The following NOTCH2NLC variants were observed in gnomAD, a reference collection of about 807,000 sequenced individuals.
NOTCH2NLC encodes notch homolog 2 N-terminal-like protein C.
A neutral mutation model predicts 17.7 loss-of-function variants in NOTCH2NLC; 4 were observed. The observed-to-expected ratio is 0.23, with a 90% CI of 0.11 to 0.52. NOTCH2NLC has a LOEUF of 0.52. Among genes scored for constraint, NOTCH2NLC ranks in the 20% least tolerant of loss-of-function variants. The pLI, the probability that NOTCH2NLC is intolerant of heterozygous loss-of-function variation, is 0.96. For synonymous variants in NOTCH2NLC, 18 were observed against 86.0 expected (o/e 0.21, Z 4.38); for missense variants, 57 against 207.2 (o/e 0.28, Z 4.45).
Position 149,464,722 on chromosome 1 carries a change from A to C in NOTCH2NLC, c.*569A>C, listed in dbSNP as rs1291217542. 4 of 150,584 alleles carry C rather than the reference A, an allele frequency of 2.7e-5. No individual in the cohort carries two copies. The highest frequency in any genetic ancestry group is 4.4e-5 in the Non-Finnish European group (3 of 67,544). 9.3% of individuals were successfully genotyped at this position (150,584 alleles called of 1,614,324 possible). ...AGCTGAAGCAGATGAATTACTAAGC[A>C]ACAAAGATCCTGTTTTTATACAAAT... On this transcript the variant is annotated 3_prime_UTR_variant, in exon 5 of 5. Transcript: ENST00000650865.
At chr1:149,431,560 AAT>A (rs2084448614) in intron 2 of NOTCH2NLC, among the ~76,000 whole-genome samples, 1 of 126,618 alleles carries the variant, frequency 7.9e-6, no homozygotes, top group African/African-American at 2.7e-5. Context: ...CTCAAAAAGA[AAT>A]AAAAAAAAAT....
At chr1:149,453,506 T>TG (rs2084600301) in intron 2 of NOTCH2NLC, among the ~76,000 whole-genome samples, 1 of 145,080 alleles carries the variant, frequency 6.9e-6, no homozygotes, top group Non-Finnish European at 1.6e-5. Context: ...CCAGCCCACT[T>TG]GCAAAACTTT....
In NOTCH2NLC at chr1:149,471,740, C is replaced by T. The variant is rs1259975556; in HGVS notation, c.*7587C>T. Reference sequence around the variant, plus strand: ...AACTTTTGGAATATGGTAAAAGACACTGAAATATATGCTTAAAAATGGTGA... The same window carrying T: ...AACTTTTGGAATATGGTAAAAGACATTGAAATATATGCTTAAAAATGGTGA... On this transcript the variant is annotated 3_prime_UTR_variant, in exon 5 of 5. Coordinates refer to ENST00000650865, the MANE Select transcript of NOTCH2NLC (RefSeq NM_001364013.2). 1.4e-5 allele frequency among the ~76,000 whole-genome samples: 2 copies of T among 146,582 alleles called. No homozygotes were observed. Among genetic ancestry groups the T allele is most frequent in the Non-Finnish European group, 3.0e-5 (2 of 66,692 alleles).
intron 1 of NOTCH2NLC, among the ~76,000 whole-genome samples, chr1:149,419,082 T>C (rs1369725049): frequency 6.7e-6 from 1 of 148,274 alleles, no homozygotes; most frequent in Non-Finnish European, 1.5e-5. Context: ...TTCTTTCTTT[T>C]CTCTCTCTCT....
chr1:149,443,659 A>G (rs2084533551), intron 2 of NOTCH2NLC, among the ~76,000 whole-genome samples: 2 of 150,070 alleles, frequency 1.3e-5, no homozygotes, highest in Non-Finnish European at 3.0e-5. Flanking sequence ...AACAGCGTGT[A>G]CAGAGGTCTG....
intron 1 of NOTCH2NLC, among the ~76,000 whole-genome samples, chr1:149,423,752 C>G (rs1216831580): frequency 5.4e-5 from 8 of 148,126 alleles, no homozygotes; most frequent in African/African-American, 2.0e-4. Flanking sequence ...CATTAAAATA[C>G]CTTCCGATTG....
chr1:149,462,899 A>C (rs2084658142), intron 3 of NOTCH2NLC, among the ~76,000 whole-genome samples: 1 of 141,708 alleles, frequency 7.1e-6, no homozygotes, highest in South Asian at 2.2e-4. Flanking sequence ...GCAGTGGTAC[A>C]ATCTCGGCTC....
intron 1 of NOTCH2NLC, among the ~76,000 whole-genome samples, chr1:149,419,725 A>T: frequency 6.7e-6 from 1 of 150,110 alleles, no homozygotes; most frequent in Non-Finnish European, 1.5e-5. Flanking sequence ...TTAAGTACCC[A>T]TTATTATTTT....
intron 1 of NOTCH2NLC, among the ~76,000 whole-genome samples, chr1:149,407,150 A>G (rs1451089440): frequency 6.6e-6 from 1 of 150,820 alleles, no homozygotes; most frequent in Non-Finnish European, 1.5e-5. Context: ...AATAAGAAGG[A>G]ACTGATTTGG....
chr1:149,445,993 G>A (rs1284502879), intron 2 of NOTCH2NLC, among the ~76,000 whole-genome samples: 2 of 121,242 alleles, frequency 1.6e-5, no homozygotes, highest in Non-Finnish European at 3.5e-5. Context: ...CAGAACATTC[G>A]GTGGAGAAAA....
chr1:149,461,954 G>A (rs2084652448), intron 3 of NOTCH2NLC, among the ~76,000 whole-genome samples: 2 of 138,300 alleles, frequency 1.4e-5, no homozygotes, highest in Admixed American at 1.5e-4. Flanking sequence ...GACACAGGAA[G>A]GGGAACATCA....
At chr1:149,399,197 ATTG>A (rs2084229500) in intron 1 of NOTCH2NLC, among the ~76,000 whole-genome samples, 1 of 151,086 alleles carries the variant, frequency 6.6e-6, no homozygotes, top group African/African-American at 2.4e-5. Flanking sequence ...ATGTTTTAAA[ATTG>A]TTGTTTGCTT....
intron 1 of NOTCH2NLC, among the ~76,000 whole-genome samples, chr1:149,412,832 C>G (rs1284187063): frequency 7.1e-6 from 1 of 141,104 alleles, no homozygotes; most frequent in Non-Finnish European, 1.5e-5. Flanking sequence ...AAAAAAAAAA[C>G]CAAGGTAAAG....
rs2084162282 is a variant in NOTCH2NLC at position 149,390,932 on chromosome 1, G to A, written c.135+10G>A. The A allele has an allele frequency of 1.5e-5, 21 of 1,390,408 alleles. No homozygotes were observed. The South Asian group carries it at 1.9e-4, about 13-fold the overall frequency. 86.1% of individuals were successfully genotyped at this position (1,390,408 alleles called of 1,614,324 possible). ...GCGACCCCCGCGCATGGTGAGTATCGGGCTGAGGGGCGCTGTCCGCGGCGC... is the reference window on the plus strand; with the variant it reads ...GCGACCCCCGCGCATGGTGAGTATCAGGCTGAGGGGCGCTGTCCGCGGCGC... On this transcript the variant is annotated intron_variant, in intron 1 of 4. Transcript: ENST00000650865.
intron 2 of NOTCH2NLC, among the ~76,000 whole-genome samples, chr1:149,447,062 T>G (rs1407501874): frequency 7.0e-6 from 1 of 142,830 alleles, no homozygotes; most frequent in African/African-American, 2.6e-5. Context: ...AAATTCAACT[T>G]TAGCCATCTC....
At chr1:149,440,938 G>GGAGAGGACCTGGGGACAGGAA (rs2084515407) in intron 2 of NOTCH2NLC, among the ~76,000 whole-genome samples, 1 of 148,782 alleles carries the variant, frequency 6.7e-6, no homozygotes, top group East Asian at 2.0e-4. Flanking sequence ...TGAGGGTGAA[G>GGAGAGGACCTGGGGACAGGAA]GAGAGGACCT....
intron 1 of NOTCH2NLC, among the ~76,000 whole-genome samples, chr1:149,424,845 A>G (rs2084404019): frequency 6.6e-6 from 1 of 150,982 alleles, no homozygotes; most frequent in Non-Finnish European, 1.5e-5. Context: ...GAGAGGAGGG[A>G]GCAAGAGAGA....
chr1:149,464,512 AAGTGTTCTAG>A lies in NOTCH2NLC; in HGVS notation c.*364_*373del. 1 of 193,018 alleles carries A rather than the reference AAGTGTTCTAG, an allele frequency of 5.2e-6. No homozygotes were observed. Among genetic ancestry groups the A allele is most frequent in the Non-Finnish European group, 1.1e-5 (1 of 92,956 alleles). 12.0% of individuals were successfully genotyped at this position (193,018 alleles called of 1,614,324 possible). On this transcript the variant is annotated 3_prime_UTR_variant, in exon 5 of 5. Coordinates refer to ENST00000650865, the MANE Select transcript of NOTCH2NLC (RefSeq NM_001364013.2). The stretch of plus-strand genomic sequence containing the variant: ...ACTTTGTTACACTCTTCACTGATAC[AAGTGTTCTAG>A]AGTGCACACACAACCCAAAGATAGA...
chr1:149,462,755 A>G (rs1265018729), intron 3 of NOTCH2NLC, among the ~76,000 whole-genome samples: 3 of 150,264 alleles, frequency 2.0e-5, no homozygotes, highest in Non-Finnish European at 4.5e-5. Context: ...GAGGGGCACT[A>G]AGGATGACTT....
Sources: allele counts gnomAD v4.1 joint callset (sites outside exome capture counted in the v4.1 genomes callset), GRCh38; gene constraint gnomAD v4.1.1; transcripts MANE v1.5; gene names NCBI Gene and HGNC (gene_info 2026-07-23, HGNC 2026-07-21).